The following KCNMA1 variants were observed in gnomAD, a reference collection of about 807,000 sequenced individuals.
The protein encoded by KCNMA1 is potassium calcium-activated channel subfamily M alpha 1.
A neutral mutation model predicts 140.0 loss-of-function variants in KCNMA1; 29 were observed. The observed-to-expected ratio is 0.21, with a 90% CI of 0.15 to 0.28. KCNMA1 has a LOEUF of 0.28. Among genes scored for constraint, KCNMA1 ranks in the 10% least tolerant of loss-of-function variants. The pLI is 1.00. For synonymous variants in KCNMA1, 612 were observed against 611.9 expected (o/e 1.00, Z 0.00); for missense variants, 880 against 1,602.2 (o/e 0.55, Z 7.70).
At chr10:77,422,163 G>A (rs148659594) in intron 1 of KCNMA1, among the ~76,000 whole-genome samples, 2 of 152,310 alleles carry the variant, frequency 1.3e-5, no homozygotes, top group African/African-American at 4.8e-5. Context: ...AGTGTCCAAG[G>A]GCAGCCCCAC....
At chr10:77,322,139 T>A (rs2154355816) in intron 2 of KCNMA1, among the ~76,000 whole-genome samples, 1 of 152,188 alleles carries the variant, frequency 6.6e-6, no homozygotes, top group South Asian at 2.1e-4. Flanking sequence ...GCAATCACCA[T>A]GAAAGGCCAA....
chr10:76,967,170 A>G (rs2074284055), intron 20 of KCNMA1, among the ~76,000 whole-genome samples: 1 of 152,172 alleles, frequency 6.6e-6, no homozygotes, highest in Non-Finnish European at 1.5e-5. Context: ...TTCCTCTTGG[A>G]GCTATTCCTG....
At position 77,390,170 on chromosome 10, in the gene KCNMA1, A is replaced by G. The variant is rs928764999; in HGVS notation, c.540+13692T>C. On this transcript the variant is annotated intron_variant, in intron 2 of 27. Transcript: ENST00000286628. ...CTGAAAAACTACTGCGGCCCCCTCT[A>G]TTTATGGAGATGCTGAGGCCTTGGA... 2.0e-5 allele frequency among the ~76,000 whole-genome samples: 3 copies of G among 152,150 alleles called. No homozygotes were observed. In the South Asian group the frequency reaches 6.2e-4, roughly 31 times the overall value.
intron 3 of KCNMA1, among the ~76,000 whole-genome samples, chr10:77,240,641 A>T (rs749117390): frequency 1.3e-4 from 20 of 152,206 alleles, no homozygotes; most frequent in Non-Finnish European, 2.1e-4. Flanking sequence ...TTAAAATTGG[A>T]GATTCAACAT....
At chr10:77,386,888 C>T (rs2095621192) in intron 2 of KCNMA1, among the ~76,000 whole-genome samples, 2 of 152,078 alleles carry the variant, frequency 1.3e-5, no homozygotes, top group South Asian at 2.1e-4. Flanking sequence ...AGAGAAAGAA[C>T]ATTAAGGGAG....
chr10:77,217,477 C>T (rs560476908), intron 3 of KCNMA1: 2 of 456,620 alleles, frequency 4.4e-6, no homozygotes, highest in East Asian at 6.9e-5. Flanking sequence ...ATAGGAATTA[C>T]AGTACATTTC....
At chr10:77,222,781 G>C (rs1274639293) in intron 3 of KCNMA1, among the ~76,000 whole-genome samples, 1 of 152,148 alleles carries the variant, frequency 6.6e-6, no homozygotes, top group Admixed American at 6.5e-5. Context: ...CCAGAAAAAA[G>C]AACTTTAGCT....
At chr10:77,302,860 G>A (rs773699946) in intron 2 of KCNMA1, among the ~76,000 whole-genome samples, 27 of 152,140 alleles carry the variant, frequency 1.8e-4, no homozygotes, top group Non-Finnish European at 5.9e-5. Flanking sequence ...AATGGGAAGA[G>A]AGGTTCTCAA....
intron 3 of KCNMA1, among the ~76,000 whole-genome samples, chr10:77,210,200 A>G (rs989805440): frequency 2.6e-4 from 39 of 152,378 alleles, no homozygotes; most frequent in African/African-American, 8.9e-4. Flanking sequence ...GTGGCACATC[A>G]AAAAGTTAAT....
chr10:77,074,057 C>T (rs146927014), intron 13 of KCNMA1, among the ~76,000 whole-genome samples: 28 of 152,064 alleles, frequency 1.8e-4, no homozygotes, highest in African/African-American at 5.8e-4. Context: ...TTGGAAAAAT[C>T]GGCAAAAGAC....
intron 1 of KCNMA1, among the ~76,000 whole-genome samples, chr10:77,406,114 CAT>C (rs1254043505): frequency 6.6e-6 from 1 of 152,182 alleles, no homozygotes; most frequent in Non-Finnish European, 1.5e-5. Context: ...TGCCTGCTGA[CAT>C]GTGTGGGACC....
intron 14 of KCNMA1, among the ~76,000 whole-genome samples, chr10:77,055,075 G>A (rs1285053734): frequency 6.6e-6 from 1 of 152,126 alleles, no homozygotes; most frequent in Non-Finnish European, 1.5e-5. Context: ...GGCTGTACAG[G>A]GCAAACATAG....
At chr10:77,516,259 T>C (rs2050389841) in intron 1 of KCNMA1, among the ~76,000 whole-genome samples, 2 of 152,046 alleles carry the variant, frequency 1.3e-5, no homozygotes, top group South Asian at 2.1e-4. Flanking sequence ...CACTTGCTCT[T>C]CCTTCTGCCT....
At chr10:77,428,508 A>T (rs2097076951) in intron 1 of KCNMA1, among the ~76,000 whole-genome samples, 1 of 152,148 alleles carries the variant, frequency 6.6e-6, no homozygotes, top group South Asian at 2.1e-4. Context: ...AAGCCCAGAG[A>T]AGGAAGGAAA....
At chr10:77,149,498 A>G (rs543649901) in intron 5 of KCNMA1, among the ~76,000 whole-genome samples, 2 of 152,224 alleles carry the variant, frequency 1.3e-5, no homozygotes, top group Admixed American at 1.3e-4. Context: ...AGTGGCCTTC[A>G]CTAAATATGT....
chr10:77,637,547 G>A lies in KCNMA1; in HGVS notation c.96C>T (p.Asn32=). Residue 32 remains asparagine (N), a synonymous_variant, in exon 1 of 28, where the codon AAC becomes AAT. Coordinates refer to ENST00000286628, the MANE Select transcript of KCNMA1 (RefSeq NM_001161352.2). ...AGGAGGACGCGTCTAGGCTGAGATG[G>A]TTCGCGTGGATATTGCTACTCATTC... ...SLRMSSNIHA[N]HLSLDASSSS... 2 of 1,545,608 alleles carry A rather than the reference G, an allele frequency of 1.3e-6. No individual in the cohort carries two copies. The highest frequency in any genetic ancestry group is 1.4e-5 in the African/African-American group (1 of 73,190).
chr10:77,234,400 G>A (rs936725825), intron 3 of KCNMA1, among the ~76,000 whole-genome samples: 7 of 152,066 alleles, frequency 4.6e-5, no homozygotes, highest in African/African-American at 7.2e-5. Context: ...ACTTGTTTAC[G>A]GTCTGTCTCT....
At chr10:77,094,939 G>A (rs1308513841) in intron 9 of KCNMA1, among the ~76,000 whole-genome samples, 1 of 152,054 alleles carries the variant, frequency 6.6e-6, no homozygotes, top group Admixed American at 6.6e-5. Flanking sequence ...AACCTCAAGT[G>A]ATCTGCTCAC....
intron 1 of KCNMA1, among the ~76,000 whole-genome samples, chr10:77,521,838 C>T (rs974271308): frequency 3.9e-5 from 6 of 152,092 alleles, no homozygotes; most frequent in African/African-American, 1.4e-4. Flanking sequence ...TTAGATGTGC[C>T]CATCCCCAAA....
Sources: gnomAD v4.1 joint callset for allele counts (sites outside exome capture counted in the v4.1 genomes callset) on GRCh38, gnomAD v4.1.1 for gene constraint, MANE v1.5 for transcripts, NCBI Gene and HGNC (gene_info 2026-07-23, HGNC 2026-07-21) for gene names.